The following ORC4 variants were observed in gnomAD, a reference collection of about 807,000 sequenced individuals.
The protein encoded by ORC4 is origin recognition complex subunit 4, also known as origin recognition complex, subunit 4 homolog.
A neutral mutation model predicts 63.9 loss-of-function variants in ORC4; 55 were observed. The observed-to-expected ratio is 0.86, with a 90% confidence interval of 0.69 to 1.08. The LOEUF (loss-of-function observed/expected upper bound fraction) is 1.08, where lower values mean the gene tolerates loss of function less well. Ranked by LOEUF, ORC4 falls within the 50% of genes least tolerant of loss-of-function variation. The probability of loss-of-function intolerance (pLI) is 0.00; values close to 1 mark genes in which losing one functional copy is unlikely to be tolerated. For synonymous variants in ORC4, 150 were observed against 168.5 expected (o/e 0.89, Z 0.85); for missense variants, 511 against 504.4 (o/e 1.01, Z -0.13).
At chr2:147,988,006 T>C (rs551544452) in intron 1 of ORC4, among the ~76,000 whole-genome samples, 1 of 142,026 alleles carries the variant, frequency 7.0e-6, no homozygotes, top group Non-Finnish European at 1.5e-5. Context: ...TGAGCCAAGA[T>C]AGAGCCACTG....
chr2:147,953,449 G>A (rs942020633), intron 7 of ORC4, among the ~76,000 whole-genome samples: 5 of 152,064 alleles, frequency 3.3e-5, no homozygotes, highest in African/African-American at 1.2e-4. Context: ...AAAATTGACA[G>A]AGTTTTCTAT....
intron 1 of ORC4, among the ~76,000 whole-genome samples, chr2:148,015,442 G>A (rs1389644659): frequency 6.7e-6 from 1 of 150,304 alleles, no homozygotes; most frequent in Non-Finnish European, 1.5e-5. Context: ...AGCCTTCTGA[G>A]TAGCTGGGAC....
Position 147,975,906 on chromosome 2 carries a change from G to A in ORC4, c.53C>T (p.Ser18Leu). The change falls in exon 2 of 14, where the codon TCA (serine) becomes TTA (leucine). Residue 18 changes from serine (S) to leucine (L), a missense_variant. Ser to Leu is a moderately radical substitution (Grantham distance 145, BLOSUM62 -2). Coordinates refer to ENST00000392857, the MANE Select transcript of ORC4 (RefSeq NM_181741.4). ...SNSLIHTECL[S>L]QVQRILRERF... ...TTAATGAAAATACATACTAACCTGT[G>A]AAAGGCACTCTGTGTGAATTAAGCT... 6.4e-7 allele frequency: 1 copy of A among 1,552,994 alleles called. No homozygotes were observed. The highest frequency in any genetic ancestry group is 8.9e-7 in the Non-Finnish European group (1 of 1,124,650).
chr2:147,931,589 A>C lies in ORC4; in HGVS notation c.*3921T>G, dbSNP rs1687739812. ...ACTGGCAAAACGAATCCAGCAGCAC[A>C]TCAAAAAGCTTATCCACCATGATCA... On this transcript the variant is annotated 3_prime_UTR_variant, in exon 14 of 14. Coordinates refer to ENST00000392857, the MANE Select transcript of ORC4 (RefSeq NM_181741.4). The C allele has an allele frequency of 6.6e-6, 1 of 152,230 alleles. No homozygotes were observed. The highest frequency in any genetic ancestry group is 1.9e-4 in the East Asian group (1 of 5,198). 9.4% of individuals were successfully genotyped at this position (152,230 alleles called of 1,614,324 possible). A position where few individuals can be genotyped will look rare whatever the true frequency, so the allele number is the denominator to read the frequency against.
chr2:148,020,077 G>T (rs553007707), intron 1 of ORC4, among the ~76,000 whole-genome samples: 8 of 152,062 alleles, frequency 5.3e-5, no homozygotes, highest in African/African-American at 1.9e-4. Flanking sequence ...AAAAAGCAAA[G>T]GCTTTGTGTT....
chr2:147,977,072 C>A (rs1292265023), intron 1 of ORC4, among the ~76,000 whole-genome samples: 2 of 152,116 alleles, frequency 1.3e-5, no homozygotes, highest in Non-Finnish European at 1.5e-5. Context: ...AAATGCTTTG[C>A]ATTTATCAAC....
At chr2:147,942,109 A>G (rs1688398004) in intron 10 of ORC4, among the ~76,000 whole-genome samples, 1 of 152,092 alleles carries the variant, frequency 6.6e-6, no homozygotes, top group Non-Finnish European at 1.5e-5. Flanking sequence ...AGAATAAAAA[A>G]TAAGATTATT....
chr2:148,003,432 T>C (rs1467804357), intron 1 of ORC4, among the ~76,000 whole-genome samples: 1 of 152,198 alleles, frequency 6.6e-6, no homozygotes, highest in Non-Finnish European at 1.5e-5. Context: ...GTTGGCTTCA[T>C]CCCTGGGATG....
chr2:147,991,033 C>T (rs1331738849), intron 1 of ORC4, among the ~76,000 whole-genome samples: 4 of 150,154 alleles, frequency 2.7e-5, no homozygotes, highest in South Asian at 2.1e-4. Context: ...TGAATATAAA[C>T]GTATATACAT....
chr2:148,000,061 A>G (rs920353145), intron 1 of ORC4, among the ~76,000 whole-genome samples: 8 of 149,126 alleles, frequency 5.4e-5, no homozygotes, highest in African/African-American at 2.0e-4. Context: ...AAGTATGAAG[A>G]AAAAAAAAAC....
intron 1 of ORC4, among the ~76,000 whole-genome samples, chr2:147,977,187 A>G (rs1317945295): frequency 6.6e-6 from 1 of 152,236 alleles, no homozygotes; most frequent in Admixed American, 6.5e-5. Context: ...ATCAAACAGT[A>G]TATAAATGGA....
chr2:147,948,264 T>C (rs1160942254), intron 8 of ORC4, 40 bp from the exon 9 acceptor site: 1 of 1,458,394 alleles, frequency 6.9e-7, no homozygotes, highest in South Asian at 1.2e-5. Context: ...AAGATGAATG[T>C]TTTTAAAAAA....
chr2:147,969,969 A>T (rs1690117157), intron 4 of ORC4, among the ~76,000 whole-genome samples: 1 of 152,090 alleles, frequency 6.6e-6, no homozygotes, highest in African/African-American at 2.4e-5. Flanking sequence ...AATCTCAAAG[A>T]ACTGACAAAA....
At chr2:147,951,964 T>A (rs1275717962) in intron 8 of ORC4, among the ~76,000 whole-genome samples, 1 of 152,224 alleles carries the variant, frequency 6.6e-6, no homozygotes, top group Non-Finnish European at 1.5e-5. Context: ...TTTCTGGAGA[T>A]GTGTACTTTG....
rs760446609 is a variant in ORC4, at chr2:147,992,275, G to C, written c.-17-16300C>G. Reference sequence around the variant, plus strand: ...TCAACGAAAACTTTTTTTTGTTTTTGGTTTAAGAGATGGGGCTTCCCTCTG... The same window carrying C: ...TCAACGAAAACTTTTTTTTGTTTTTCGTTTAAGAGATGGGGCTTCCCTCTG... On this transcript the variant is annotated intron_variant, in intron 1 of 13. Coordinates refer to ENST00000392857, the MANE Select transcript of ORC4 (RefSeq NM_181741.4). Among the ~76,000 whole-genome samples, 54 of 151,908 alleles carry C rather than the reference G, an allele frequency of 3.6e-4. No individual in the cohort carries two copies. The Middle Eastern group carries it at 0.01, about 29-fold the overall frequency.
At chr2:148,011,811 A>G (rs1425039591) in intron 1 of ORC4, among the ~76,000 whole-genome samples, 1 of 152,192 alleles carries the variant, frequency 6.6e-6, no homozygotes, top group East Asian at 1.9e-4. Context: ...TCTCTATGCC[A>G]ACAGTGACAA....
chr2:147,940,540 T>G (rs1423504465), intron 10 of ORC4, among the ~76,000 whole-genome samples: 1 of 151,972 alleles, frequency 6.6e-6, no homozygotes, highest in Non-Finnish European at 1.5e-5. Context: ...CAAATGCCCA[T>G]CAATCAACGA....
chr2:148,019,337 C>T (rs1469150309), intron 1 of ORC4, among the ~76,000 whole-genome samples: 2 of 152,190 alleles, frequency 1.3e-5, no homozygotes, highest in African/African-American at 4.8e-5. Flanking sequence ...CGCCTGTAAT[C>T]CCAGCACTTT....
chr2:147,969,252 CAAT>C lies in ORC4; in HGVS notation c.225+3484_225+3486del, dbSNP rs1395158290. On this transcript the variant is annotated intron_variant, in intron 4 of 13. Transcript: ENST00000392857. ...GTAACTATAGGATGACTATAATTAA[CAAT>C]AATATTTTCCAATAGCTAGAAGAAG... 1.3e-4 allele frequency among the ~76,000 whole-genome samples: 19 copies of C among 151,994 alleles called. 1 individual carries two copies. The South Asian group carries it at 3.9e-3, about 31-fold the overall frequency.
Sources: gnomAD v4.1 joint callset for allele counts (sites outside exome capture counted in the v4.1 genomes callset) on GRCh38, gnomAD v4.1.1 for gene constraint, MANE v1.5 for transcripts, NCBI Gene and HGNC (gene_info 2026-07-23, HGNC 2026-07-21) for gene names.